The following PRDM15 variants were observed in gnomAD, a reference collection of about 807,000 sequenced individuals.
PRDM15 encodes PR domain zinc finger protein 15.
A neutral mutation model predicts 128.6 loss-of-function variants in PRDM15; 64 were observed. That is an observed-to-expected ratio of 0.50 (90% CI 0.41 to 0.61). The LOEUF (loss-of-function observed/expected upper bound fraction) is 0.61, where lower values mean the gene tolerates loss of function less well. Ranked by LOEUF, PRDM15 falls within the 20% of genes least tolerant of loss-of-function variation. PRDM15 has a pLI of 0.00. For synonymous variants in PRDM15, 615 were observed against 621.8 expected, an observed-to-expected ratio of 0.99 and a Z score of 0.16; for missense variants, 1,242 against 1,569.1, an observed-to-expected ratio of 0.79 and a Z score of 3.52.
rs370469636 is a variant in PRDM15, at chr21:41,810,746, C to T, written c.2476+7G>A. 2.7e-5 allele frequency: 43 copies of T among 1,612,944 alleles called. No homozygotes were observed. Among genetic ancestry groups the T allele is most frequent in the African/African-American group, 1.6e-4 (12 of 74,934 alleles). ...CCCCGAAGGCTCCTTCAGGCTGCGC[C>T]GCTCACCTGTGTGGATGAGCTTGTG... On this transcript the variant is annotated splice_region_variant and intron_variant, in intron 20 of 23. Coordinates refer to ENST00000398548, the MANE Select transcript of PRDM15 (RefSeq NM_001040424.3). This position sits in a 1 kb window ranked among gnomAD's most constrained non-coding sequence, Gnocchi z 6.4.
At chr21:41,877,437 T>C (rs939802875) in intron 1 of PRDM15, 1 of 152,300 alleles carries the variant, frequency 6.6e-6, no homozygotes, top group South Asian at 2.1e-4. Flanking sequence ...TGAATGAATA[T>C]CTGCCCACAC....
chr21:41,823,554 A>T (rs2062362811), intron 13 of PRDM15, 105 bp from the exon 14 acceptor site: 1 of 1,226,042 alleles, frequency 8.2e-7, no homozygotes, highest in East Asian at 2.6e-5. Flanking sequence ...ACGGAAACAC[A>T]GCACTGTGCT....
At chr21:41,838,200 G>C in intron 7 of PRDM15, 137 bp from the exon 8 acceptor site, 1 of 832,330 alleles carries the variant, frequency 1.2e-6, no homozygotes, top group Non-Finnish European at 1.8e-6. Context: ...TTTACAGAGG[G>C]GAAAAAAAAA....
Position 41,854,501 on chromosome 21 carries a change from G to A in PRDM15, c.538+65C>T, listed in dbSNP as rs910962849. 6.3e-7 allele frequency: 1 copy of A among 1,588,990 alleles called. No homozygotes were observed. Among genetic ancestry groups the A allele is most frequent in the Non-Finnish European group, 8.5e-7 (1 of 1,172,478 alleles). ...CAGTGTGGGGTCAGCACAGAGCCAAGGGACCATAACCCCTTCGGCGAGGCA... is the reference window on the plus strand; with the variant it reads ...CAGTGTGGGGTCAGCACAGAGCCAAAGGACCATAACCCCTTCGGCGAGGCA... On this transcript the variant is annotated intron_variant, in intron 5 of 23. Transcript: ENST00000398548. The surrounding 1 kb of genome is among the most constrained non-coding windows in gnomAD (Gnocchi z 4.6).
intron 22 of PRDM15, chr21:41,803,122 A>T (rs1033701008): frequency 4.5e-5 from 19 of 422,410 alleles, no homozygotes; most frequent in East Asian, 8.2e-5. Context: ...TTGCAGATTT[A>T]AAAAAAAAAT....
rs2061828343 is a variant in PRDM15, at chr21:41,810,442, G to T, written c.2477-113C>A. On this transcript the variant is annotated intron_variant, in intron 20 of 23. Transcript: ENST00000398548. This position sits in a 1 kb window ranked among gnomAD's most constrained non-coding sequence, Gnocchi z 6.4. ...CTGGACGAGGCAAGAAGCCTGTCAC[G>T]CCCCGCCCATCCTGAGAGGGCCGGT... 1.6e-6 allele frequency: 2 copies of T among 1,246,278 alleles called. No homozygotes were observed. Among genetic ancestry groups the T allele is most frequent in the Non-Finnish European group, 1.1e-6 (1 of 899,396 alleles). The allele number at this position is 1,246,278 out of a possible 1,614,324, so 77.2% of individuals were successfully genotyped here.
intron 5 of PRDM15, among the ~76,000 whole-genome samples, chr21:41,850,148 G>A (rs773180138): frequency 2.6e-5 from 4 of 152,218 alleles, no homozygotes; most frequent in Non-Finnish European, 4.4e-5. Context: ...TGAGAAATGG[G>A]ACTCTGGCTC....
chr21:41,801,571 C>T lies in PRDM15; in HGVS notation c.3095G>A (p.Arg1032His), dbSNP rs772316949. 11 of 1,614,012 alleles carry T rather than the reference C, an allele frequency of 6.8e-6. No individual in the cohort carries two copies. The East Asian group carries it at 1.1e-4, about 16-fold the overall frequency. The change falls in exon 24 of 24, where the codon CGC (arginine) becomes CAC (histidine). Residue 1032 changes from arginine to histidine, a missense_variant. By Grantham distance (29) the Arg-to-His change is conservative. Coordinates refer to ENST00000398548, the MANE Select transcript of PRDM15 (RefSeq NM_001040424.3). The stretch of plus-strand genomic sequence containing the variant: ...GATTGAGTTGTCCAGCTGTAACTGG[C>T]GTTCAGGGGTGGTAAGGTGCCCCAC... Reference protein sequence around the residue: ...VAVGHLTTPERQLQLDNSILT... With the variant: ...VAVGHLTTPEHQLQLDNSILT...
At chr21:41,806,412 TCACCACCAC>T (rs1568882730) in intron 21 of PRDM15, among the ~76,000 whole-genome samples, 1 of 6,176 alleles carries the variant, frequency 1.6e-4, no homozygotes, top group Admixed American at 2.4e-3. Context: ...ACCACCACCA[TCACCACCAC>T]CACCATCACC....
chr21:41,839,528 TCCCGC>T, intron 7 of PRDM15, 90 bp downstream of exon 7: 1 of 984,314 alleles, frequency 1.0e-6, no homozygotes, highest in Non-Finnish European at 1.6e-6. Flanking sequence ...CACTGAGTTT[TCCCGC>T]CCCGCCCTCT....
chr21:41,856,445 AT>A (rs994986604), intron 4 of PRDM15, among the ~76,000 whole-genome samples: 26 of 151,594 alleles, frequency 1.7e-4, no homozygotes, highest in Admixed American at 2.6e-4. Flanking sequence ...AAGCAGATCC[AT>A]TTCAAGGGTC....
Position 41,801,346 on chromosome 21 carries a change from G to A in PRDM15, c.3320C>T (p.Pro1107Leu). 6.2e-7 allele frequency: 1 copy of A among 1,602,142 alleles called. No homozygotes were observed. The highest frequency in any genetic ancestry group is 8.5e-7 in the Non-Finnish European group (1 of 1,172,204). The part of the protein sequence containing the change: ...DQHPLTWRAV[P>L]QTDVLPPSQP... ...CGAGGGTGGCAAGACGTCAGTCTGG[G>A]GCACTGCCCGCCACGTGAGCGGGTG... Residue 1107 changes from proline (P) to leucine (L), a missense_variant, in exon 24 of 24, where the codon CCC becomes CTC. Pro to Leu is a moderately conservative substitution (Grantham distance 98). This residue lies in a region of PRDM15 where 602 missense variants were observed against 788.3 expected (regional missense o/e 0.76). Transcript: ENST00000398548.
intron 17 of PRDM15, 90 bp from the exon 18 acceptor site, chr21:41,819,791 TC>T (rs1204170535): frequency 1.1e-5 from 17 of 1,492,190 alleles, no homozygotes; most frequent in East Asian, 2.5e-5. Context: ...GGGCCCAGCC[TC>T]CCCAGCAGCT....
chr21:41,861,456 C>T, intron 1 of PRDM15: 2 of 971,492 alleles, frequency 2.1e-6, no homozygotes, highest in Non-Finnish European at 3.1e-6. Flanking sequence ...GAAATAAAAA[C>T]ACCCACCTCA....
chr21:41,868,145 T>G (rs889974979), intron 1 of PRDM15, among the ~76,000 whole-genome samples: 9 of 151,530 alleles, frequency 5.9e-5, no homozygotes, highest in Non-Finnish European at 1.0e-4. Context: ...CTCCAGGATG[T>G]TGCCTCTATC....
chr21:41,804,864 C>T lies in PRDM15; in HGVS notation c.2653-250G>A, dbSNP rs2061513544. The T allele has an allele frequency of 1.1e-5, 4 of 358,906 alleles. No homozygotes were observed. In the South Asian group the frequency reaches 2.2e-4, roughly 20 times the overall value. The allele number at this position is 358,906 out of a possible 1,614,324, so 22.2% of individuals were successfully genotyped here. A position where few individuals can be genotyped will look rare whatever the true frequency, so the allele number is the denominator to read the frequency against. ...GCCCCTGTATCATCTCACGTCCACT[C>T]CCCCAGTGGGGAGACTATGTCCTCC... On this transcript the variant is annotated intron_variant, in intron 21 of 23. Coordinates refer to ENST00000398548, the MANE Select transcript of PRDM15 (RefSeq NM_001040424.3).
At chr21:41,865,917 T>A (rs2063992670) in intron 1 of PRDM15, among the ~76,000 whole-genome samples, 1 of 152,060 alleles carries the variant, frequency 6.6e-6, no homozygotes, top group South Asian at 2.1e-4. Context: ...GCTAATTTTT[T>A]AATTTTTTGT....
intron 1 of PRDM15, among the ~76,000 whole-genome samples, chr21:41,864,335 ATAGAACT>A (rs1305424340): frequency 6.6e-6 from 1 of 152,214 alleles, no homozygotes; most frequent in East Asian, 1.9e-4. Context: ...TTAAATAATA[ATAGAACT>A]TAGAAAAACA....
At chr21:41,835,413 G>A (rs1226081204) in intron 11 of PRDM15, 24 bp downstream of exon 11, 1 of 1,592,168 alleles carries the variant, frequency 6.3e-7, no homozygotes, top group Admixed American at 1.7e-5. Flanking sequence ...AGCGGCCGAG[G>A]GGAGACGTGA....
Sources: gnomAD v4.1 joint callset for allele counts (sites outside exome capture counted in the v4.1 genomes callset) on GRCh38, gnomAD v4.1.1 for gene constraint, gnomAD v4.1.1 regional missense constraint, Gnocchi (gnomAD v3.1) non-coding constraint, MANE v1.5 for transcripts, NCBI Gene and HGNC (gene_info 2026-07-23, HGNC 2026-07-21) for gene names.